The following RGS6 variants were observed in gnomAD, a reference collection of about 807,000 sequenced individuals.
The protein encoded by RGS6 is regulator of G protein signaling 6, also known as regulator of G-protein signaling 6.
A neutral mutation model predicts 78.5 loss-of-function variants in RGS6; 30 were observed. That is an observed-to-expected ratio of 0.38 (90% confidence interval 0.29 to 0.52). The LOEUF is 0.52. RGS6 is among the 20% of genes least tolerant of loss of function. The probability of loss-of-function intolerance (pLI) is 0.85; values close to 1 mark genes in which losing one functional copy is unlikely to be tolerated. For synonymous variants in RGS6, 206 were observed against 206.0 expected (o/e 1.00, Z 0.00); for missense variants, 495 against 609.7 (o/e 0.81, Z 1.98).
In RGS6 at chr14:72,536,188, G is replaced by A. The variant is rs755379064; in HGVS notation, c.1281G>A (p.Glu427=). Residue 427 remains glutamate (E), a splice_region_variant and synonymous_variant, in exon 16 of 18, where the codon GAG becomes GAA. Coordinates refer to ENST00000553525, the MANE Select transcript of RGS6 (RefSeq NM_001204424.2). ...CTCCTTGTCACCTTCCTCCCCAGGAGCACATCTACAAGCTGATGAAGAGTG... is the reference window on the plus strand; with the variant it reads ...CTCCTTGTCACCTTCCTCCCCAGGAACACATCTACAAGCTGATGAAGAGTG... The part of the protein sequence containing the change: ...GGRYTFEDAQ[E]HIYKLMKSDS... 1.8e-5 allele frequency: 29 copies of A among 1,612,752 alleles called. 1 individual carries two copies. The Admixed American group carries it at 4.7e-4, about 26-fold the overall frequency.
At chr14:72,541,415 ATCCCT>A (rs2097325026) in intron 17 of RGS6, 2 of 1,517,358 alleles carry the variant, frequency 1.3e-6, no homozygotes, top group Non-Finnish European at 1.8e-6. Context: ...ATCGGTATCC[ATCCCT>A]TCCCTTCCTC....
chr14:72,331,873 G>A (rs945179523), intron 2 of RGS6, among the ~76,000 whole-genome samples: 2 of 152,156 alleles, frequency 1.3e-5, no homozygotes, highest in South Asian at 2.1e-4. Context: ...TCATGTCTGC[G>A]ATACTTTGTC....
intron 2 of RGS6, among the ~76,000 whole-genome samples, chr14:72,178,393 C>T (rs961523587): frequency 2.6e-5 from 4 of 152,190 alleles, no homozygotes; most frequent in African/African-American, 9.6e-5. Context: ...TGGCATATTA[C>T]CAGAGGCCAG....
At chr14:72,599,408 T>TG in the RGS6 span, among the ~76,000 whole-genome samples, 5 of 115,698 alleles carry the variant, frequency 4.3e-5, no homozygotes, top group Admixed American at 1.8e-4. Flanking sequence ...TTTTTTTTTT[T>TG]TTTTTTTTTT....
At chr14:72,112,650 C>G (rs2153551359) in intron 2 of RGS6, among the ~76,000 whole-genome samples, 1 of 152,264 alleles carries the variant, frequency 6.6e-6, no homozygotes, top group East Asian at 1.9e-4. Flanking sequence ...GTTAGTCCTC[C>G]TAATAGTCCT....
chr14:71,876,564 T>C, the RGS6 span, among the ~76,000 whole-genome samples: 1 of 148,320 alleles, frequency 6.7e-6, no homozygotes, highest in East Asian at 2.0e-4. Flanking sequence ...TGAGCCTATG[T>C]ATGTCTCTGC....
the RGS6 span, among the ~76,000 whole-genome samples, chr14:72,609,627 A>G: frequency 6.6e-6 from 1 of 152,214 alleles, no homozygotes; most frequent in Non-Finnish European, 1.5e-5. Context: ...GGAAGGGCAC[A>G]TCCCCAGAGG....
At chr14:72,588,681 C>T in the RGS6 span, among the ~76,000 whole-genome samples, 1,515 of 152,226 alleles carry the variant, frequency 1.0e-2, 30 homozygotes, top group African/African-American at 0.035. Context: ...CTGGTGACCA[C>T]GCATGTCACT....
chr14:72,416,270 A>G (rs188449943), intron 3 of RGS6, among the ~76,000 whole-genome samples: 20 of 152,302 alleles, frequency 1.3e-4, no homozygotes, highest in Non-Finnish European at 2.4e-4. Flanking sequence ...GCATTACACA[A>G]TTTCAAGGAA....
At chr14:72,111,430 CAGT>C (rs1361422691) in intron 2 of RGS6, among the ~76,000 whole-genome samples, 1 of 152,146 alleles carries the variant, frequency 6.6e-6, no homozygotes, top group Non-Finnish European at 1.5e-5. Context: ...GTGCACTTCT[CAGT>C]AGGATTCATG....
rs751525654 is a variant in RGS6, at chr14:72,562,439, G to A, written c.1445G>A (p.Arg482His). 26 of 1,612,682 alleles carry A rather than the reference G, an allele frequency of 1.6e-5. No homozygotes were observed. Among genetic ancestry groups the A allele is most frequent in the Admixed American group, 3.3e-5 (2 of 60,010 alleles). Residue 482 changes from arginine (R) to histidine (H), a missense_variant, in exon 18 of 18, where the codon CGC (arginine) becomes CAC (histidine). Coordinates refer to ENST00000553525, the MANE Select transcript of RGS6 (RefSeq NM_001204424.2). ...RSVGKSLAGKRLTGLMQSS is the reference protein window; with the variant it reads ...RSVGKSLAGKHLTGLMQSS The stretch of plus-strand genomic sequence containing the variant: ...CAGGGAAAGTCGCTGGCGGGCAAGC[G>A]CCTCACGGGCCTGATGCAGTCCTCC...
intron 2 of RGS6, among the ~76,000 whole-genome samples, chr14:72,150,384 G>A (rs1267715300): frequency 2.6e-5 from 4 of 152,102 alleles, no homozygotes; most frequent in African/African-American, 9.7e-5. Context: ...AACTCAGAGA[G>A]AATAAATTTC....
chr14:71,895,151 A>G, the RGS6 span, among the ~76,000 whole-genome samples: 1 of 152,138 alleles, frequency 6.6e-6, no homozygotes, highest in Non-Finnish European at 1.5e-5. Flanking sequence ...TTTAGGGGAA[A>G]AAAAGGTAGT....
intron 12 of RGS6, among the ~76,000 whole-genome samples, chr14:72,481,746 C>T (rs192738128): frequency 4.4e-4 from 67 of 151,892 alleles, no homozygotes; most frequent in African/African-American, 1.4e-3. Flanking sequence ...TGTCTCTGCA[C>T]ACACACACAT....
chr14:72,166,093 G>GACACACAC lies in RGS6; in HGVS notation c.85-185964_85-185957dup, dbSNP rs3055029. On this transcript the variant is annotated intron_variant, in intron 2 of 17. Transcript: ENST00000553525. ...CCATCCCTTCTAGTCCCATTTTTGA[G>GACACACAC]ACACACACACACACACACACACACA... Among the ~76,000 whole-genome samples the GACACACAC allele has an allele frequency of 3.7e-4, 40 of 107,798 alleles. 1 individual carries two copies. The highest frequency in any genetic ancestry group is 5.4e-4 in the African/African-American group (17 of 31,732). The allele number at this position is 107,798 out of a possible 152,430, so 70.7% of individuals were successfully genotyped here. A position where few individuals can be genotyped will look rare whatever the true frequency, so the allele number is the denominator to read the frequency against.
chr14:71,916,804 G>A, the RGS6 span, among the ~76,000 whole-genome samples: 20 of 152,224 alleles, frequency 1.3e-4, no homozygotes, highest in African/African-American at 4.8e-4. Flanking sequence ...GGACCAGTGG[G>A]GTTTGTTAAA....
At chr14:72,014,142 C>T (rs996368860) in intron 2 of RGS6, among the ~76,000 whole-genome samples, 2 of 152,270 alleles carry the variant, frequency 1.3e-5, no homozygotes, top group African/African-American at 2.4e-5. Context: ...AAGGATATGG[C>T]ATAATTTATA....
intron 2 of RGS6, among the ~76,000 whole-genome samples, chr14:72,308,729 A>G (rs770122977): frequency 7.9e-5 from 12 of 152,226 alleles, no homozygotes; most frequent in Non-Finnish European, 1.8e-4. Flanking sequence ...CCGGCTCTCA[A>G]AATATACATG....
intron 2 of RGS6, among the ~76,000 whole-genome samples, chr14:71,982,504 C>T (rs867457979): frequency 6.6e-6 from 1 of 152,122 alleles, no homozygotes; most frequent in Non-Finnish European, 1.5e-5. Flanking sequence ...GACTTCAGTT[C>T]TTCTTAGGGC....
Sources: gnomAD v4.1 joint callset for allele counts (sites outside exome capture counted in the v4.1 genomes callset) on GRCh38, gnomAD v4.1.1 for gene constraint, MANE v1.5 for transcripts, NCBI Gene and HGNC (gene_info 2026-07-23, HGNC 2026-07-21) for gene names.